The following GOLGB1 variants were observed in gnomAD, a reference collection of about 807,000 sequenced individuals.
GOLGB1 encodes the protein golgin B1, also known as golgin subfamily B member 1.
GOLGB1 carries 174 observed loss-of-function variants against 336.9 expected under a neutral mutation model. That is an observed-to-expected ratio of 0.52 (90% confidence interval 0.46 to 0.59). The LOEUF (loss-of-function observed/expected upper bound fraction) is 0.59. GOLGB1 is among the 20% of genes least tolerant of loss of function. The pLI is 0.00. For missense variants in GOLGB1, 3,331 were observed against 3,645.3 expected (o/e 0.91, Z 2.22); for synonymous variants, 1,208 against 1,289.2 (o/e 0.94, Z 1.35).
Position 121,726,958 on chromosome 3 carries a change from A to G in GOLGB1, c.486T>C (p.Thr162=). ...KLQEKEELIS[T]LQAQLTQAQA... ...GTGCCTGAGTAAGCTGGGCTTGCAA[A>G]GTGCTGATTAGTTCCTCCTTCTCCT... Residue 162 remains threonine (T), a synonymous_variant, in exon 5 of 22, where the codon ACT becomes ACC. Transcript: ENST00000614479. 1.2e-6 allele frequency: 2 copies of G among 1,603,572 alleles called. No individual in the cohort carries two copies. Among genetic ancestry groups the G allele is most frequent in the Non-Finnish European group, 1.7e-6 (2 of 1,173,478 alleles).
intron 1 of GOLGB1, among the ~76,000 whole-genome samples, chr3:121,742,912 T>C (rs1411786694): frequency 6.6e-6 from 1 of 152,126 alleles, no homozygotes; most frequent in South Asian, 2.1e-4. Flanking sequence ...CAAACTACAA[T>C]GAGATACCAT....
chr3:121,742,451 T>C (rs1466343430), intron 1 of GOLGB1, among the ~76,000 whole-genome samples: 1 of 152,164 alleles, frequency 6.6e-6, no homozygotes, highest in African/African-American at 2.4e-5. Flanking sequence ...CCTTGCACCT[T>C]ATACAAAAAT....
chr3:121,691,606 T>C lies in GOLGB1; in HGVS notation c.7758A>G (p.Glu2586=). The change falls in exon 14 of 22, where the codon GAA becomes GAG. Residue 2586 remains glutamate, a synonymous_variant. Coordinates refer to ENST00000614479, the MANE Select transcript of GOLGB1 (RefSeq NM_001366282.2). Reference sequence around the variant, plus strand: ...AGGACCTCCGCAGATCCTCATTTGCTTCCTCAGATTCCTTCAGCTTTTCTT... The same window carrying C: ...AGGACCTCCGCAGATCCTCATTTGCCTCCTCAGATTCCTTCAGCTTTTCTT... ...KLEEKLKESE[E]ANEDLRRSFN... is the part of the protein sequence containing the mutation. The C allele has an allele frequency of 8.7e-6, 14 of 1,613,686 alleles. No homozygotes were observed. The highest frequency in any genetic ancestry group is 1.2e-5 in the Non-Finnish European group (14 of 1,179,812).
chr3:121,691,912 G>A lies in GOLGB1; in HGVS notation c.7452C>T (p.Asp2484=), dbSNP rs752900416. ...GATGTCGCTCTTCCAGCTGTTGATAGTCACCCACTATGCGGTCTCGATCAT... is the reference window on the plus strand; with the variant it reads ...GATGTCGCTCTTCCAGCTGTTGATAATCACCCACTATGCGGTCTCGATCAT... ...LQNDRDRIVG[D]YQQLEERHLS... is the part of the protein sequence containing the mutation. The change falls in exon 14 of 22, where the codon GAC becomes GAT. Residue 2484 remains aspartate (D), a synonymous_variant. Transcript: ENST00000614479. 2 of 1,614,142 alleles carry A rather than the reference G, an allele frequency of 1.2e-6. No homozygotes were observed. Among genetic ancestry groups the A allele is most frequent in the Non-Finnish European group, 1.7e-6 (2 of 1,179,990 alleles).
At chr3:121,714,171 G>A (rs148421577) in intron 10 of GOLGB1, among the ~76,000 whole-genome samples, 388 of 152,322 alleles carry the variant, frequency 2.5e-3, no homozygotes, top group South Asian at 5.8e-3. Flanking sequence ...GGAATGACAG[G>A]ACTCTGCTGA....
intron 1 of GOLGB1, among the ~76,000 whole-genome samples, chr3:121,748,501 A>G (rs961786929): frequency 6.6e-6 from 1 of 152,240 alleles, no homozygotes; most frequent in Admixed American, 6.5e-5. Context: ...AGTAAAAGCT[A>G]TGAAGCAGTT....
Position 121,667,519 on chromosome 3 carries a change from C to T in GOLGB1, c.9511G>A (p.Ala3171Thr). ...GCCACAGAGAGAGCATTCTCAGCAGCCACTCTTTGGTCTCGTTCTTCTTCC... is the reference window on the plus strand; with the variant it reads ...GCCACAGAGAGAGCATTCTCAGCAGTCACTCTTTGGTCTCGTTCTTCTTCC... ...LLEEERDQRV[A>T]AENALSVAEE... Residue 3171 changes from alanine (A) to threonine (T), a missense_variant, in exon 20 of 22, where the codon GCT (alanine) becomes ACT (threonine). By Grantham distance (58) the Ala-to-Thr change is moderately conservative. Transcript: ENST00000614479. The T allele has an allele frequency of 6.2e-7, 1 of 1,614,108 alleles. No individual in the cohort carries two copies. Among genetic ancestry groups the T allele is most frequent in the Non-Finnish European group, 8.5e-7 (1 of 1,179,948 alleles).
intron 10 of GOLGB1, among the ~76,000 whole-genome samples, chr3:121,710,964 A>G (rs756995295): frequency 1.8e-4 from 27 of 152,226 alleles, no homozygotes; most frequent in Non-Finnish European, 3.4e-4. Context: ...TAGATCACCA[A>G]TGGTTAGGAG....
intron 10 of GOLGB1, among the ~76,000 whole-genome samples, chr3:121,710,145 A>G (rs767927016): frequency 6.6e-6 from 1 of 151,940 alleles, no homozygotes; most frequent in Admixed American, 6.5e-5. Context: ...ATATCTGTAA[A>G]GGAAATTCAA....
At chr3:121,688,794 C>T (rs938603675) in intron 14 of GOLGB1, among the ~76,000 whole-genome samples, 4 of 151,472 alleles carry the variant, frequency 2.6e-5, no homozygotes, top group African/African-American at 7.3e-5. Flanking sequence ...GCCTCTGCTC[C>T]GCCGCCCCGT....
intron 10 of GOLGB1, among the ~76,000 whole-genome samples, chr3:121,707,225 C>CAAAAAAAAAAAAAAAAAA (rs554313106): frequency 1.6e-4 from 15 of 93,612 alleles, no homozygotes; most frequent in Middle Eastern, 6.3e-3. Context: ...GACTCCATCT[C>CAAAAAAAAAAAAAAAAAA]AAAAAAAAAA....
intron 5 of GOLGB1, among the ~76,000 whole-genome samples, chr3:121,723,107 G>A (rs561287546): frequency 6.6e-6 from 1 of 152,298 alleles, no homozygotes; most frequent in South Asian, 2.1e-4. Flanking sequence ...GTATAATTCA[G>A]TATCAACTAG....
intron 14 of GOLGB1, among the ~76,000 whole-genome samples, chr3:121,687,497 T>C (rs1004519116): frequency 6.6e-6 from 1 of 152,196 alleles, no homozygotes; most frequent in African/African-American, 2.4e-5. Context: ...TCTTAGGATG[T>C]TGAAGATGGA....
At chr3:121,684,219 G>GA (rs550794694) in intron 14 of GOLGB1, among the ~76,000 whole-genome samples, 3 of 93,862 alleles carry the variant, frequency 3.2e-5, no homozygotes, top group East Asian at 6.1e-4. Context: ...TGGCAAAAAT[G>GA]AAAAAAATGT....
At chr3:121,675,382 G>A (rs1010436180) in intron 17 of GOLGB1, among the ~76,000 whole-genome samples, 2 of 150,926 alleles carry the variant, frequency 1.3e-5, no homozygotes, top group African/African-American at 2.4e-5. Context: ...TCTTTTTTTT[G>A]TAAAAACACC....
chr3:121,721,137 A>G (rs1378907579), intron 6 of GOLGB1, among the ~76,000 whole-genome samples: 2 of 152,246 alleles, frequency 1.3e-5, no homozygotes. Context: ...AAAGGACACA[A>G]TAAAAGCTAA....
In GOLGB1 at chr3:121,668,672, CAAAAA is replaced by C. The variant is rs138891151; in HGVS notation, c.9322-519_9322-515del. Among the ~76,000 whole-genome samples, 397 of 66,630 alleles carry C rather than the reference CAAAAA, an allele frequency of 6.0e-3. 1 individual carries two copies. The highest frequency in any genetic ancestry group is 0.017 in the African/African-American group (365 of 21,066). 43.7% of individuals were successfully genotyped at this position (66,630 alleles called of 152,430 possible). On this transcript the variant is annotated intron_variant, in intron 18 of 21. Transcript: ENST00000614479. ...TGGGCGACAGAGCGAGACTCCGTCT[CAAAAA>C]AAAAAAAAAAAAAAAAAAAGTTAAG...
At chr3:121,729,752 T>C (rs1945943628) in intron 3 of GOLGB1, 113 bp downstream of exon 3, 5 of 810,910 alleles carry the variant, frequency 6.2e-6, no homozygotes, top group Admixed American at 4.5e-5. Flanking sequence ...GTTACAGTAC[T>C]AGGGAGATAA....
chr3:121,706,988 G>A (rs1378837131), intron 10 of GOLGB1, among the ~76,000 whole-genome samples: 5 of 151,230 alleles, frequency 3.3e-5, no homozygotes, highest in East Asian at 1.9e-4. Context: ...CGAGGCGGGT[G>A]GATCATGAGG....
Sources: allele counts gnomAD v4.1 joint callset (sites outside exome capture counted in the v4.1 genomes callset), GRCh38; gene constraint gnomAD v4.1.1; transcripts MANE v1.5; gene names NCBI Gene and HGNC (gene_info 2026-07-23, HGNC 2026-07-21).